The following PTPRE variants were observed in gnomAD, a reference collection of about 807,000 sequenced individuals.
PTPRE encodes receptor-type tyrosine-protein phosphatase epsilon.
A neutral mutation model predicts 102.0 loss-of-function variants in PTPRE; 51 were observed. The ratio of observed to expected loss-of-function variants is 0.50; its 90% CI spans 0.40 to 0.63. The LOEUF is 0.63. PTPRE is among the 30% of genes least tolerant of loss of function. The pLI, the probability that PTPRE is intolerant of heterozygous loss-of-function variation, is 0.00. For missense variants in PTPRE, 752 were observed against 915.1 expected, an observed-to-expected ratio of 0.82 and a Z score of 2.30; for synonymous variants, 345 against 348.2, an observed-to-expected ratio of 0.99 and a Z score of 0.10.
intron 1 of PTPRE, among the ~76,000 whole-genome samples, chr10:127,968,937 C>T (rs1026361729): frequency 2.6e-5 from 4 of 152,306 alleles, no homozygotes; most frequent in Admixed American, 2.6e-4. Context: ...TAGTCTGATT[C>T]AAAGAATGTC....
chr10:128,080,011 T>A (rs1851561758), intron 20 of PTPRE, among the ~76,000 whole-genome samples: 1 of 152,216 alleles, frequency 6.6e-6, no homozygotes, highest in South Asian at 2.1e-4. Context: ...GAGAGTCCTG[T>A]GTGCACTGAA....
chr10:127,956,922 A>G (rs1222914690), intron 1 of PTPRE, among the ~76,000 whole-genome samples: 1 of 150,906 alleles, frequency 6.6e-6, no homozygotes, highest in East Asian at 2.0e-4. Context: ...GGGATTGTTT[A>G]TTTTCTTATT....
intron 2 of PTPRE, among the ~76,000 whole-genome samples, chr10:127,993,663 T>C (rs922557351): frequency 6.6e-6 from 1 of 152,236 alleles, no homozygotes; most frequent in Admixed American, 6.5e-5. Context: ...GGGCAGCACT[T>C]AGCACAAACA....
intron 1 of PTPRE, among the ~76,000 whole-genome samples, chr10:127,968,430 C>T (rs528426310): frequency 3.3e-5 from 5 of 152,336 alleles, no homozygotes; most frequent in Non-Finnish European, 5.9e-5. Context: ...CCAGGGTCTA[C>T]GCAACAAAAA....
intron 8 of PTPRE, 140 bp downstream of exon 8, chr10:128,061,155 C>T (rs1039669049): frequency 5.6e-6 from 4 of 708,874 alleles, no homozygotes; most frequent in African/African-American, 3.6e-5. Context: ...ACGGAACTGC[C>T]CGTGCTTTAC....
At chr10:127,972,029 C>A (rs1326924930) in intron 1 of PTPRE, among the ~76,000 whole-genome samples, 1 of 152,176 alleles carries the variant, frequency 6.6e-6, no homozygotes. Flanking sequence ...GAGTTTGGAG[C>A]CGGGTGGGAA....
intron 1 of PTPRE, among the ~76,000 whole-genome samples, chr10:127,967,007 G>A (rs776092081): frequency 7.9e-5 from 12 of 152,142 alleles, no homozygotes; most frequent in South Asian, 4.1e-4. Flanking sequence ...GAGATAAAGC[G>A]TTTTGTGGCA....
At chr10:128,023,233 A>G (rs1846048137) in intron 2 of PTPRE, among the ~76,000 whole-genome samples, 1 of 152,138 alleles carries the variant, frequency 6.6e-6, no homozygotes, top group African/African-American at 2.4e-5. Context: ...ATGTAGGTAT[A>G]CATGTATAGG....
chr10:127,928,030 G>A (rs1847156215), intron 1 of PTPRE, among the ~76,000 whole-genome samples: 1 of 152,152 alleles, frequency 6.6e-6, no homozygotes, highest in Non-Finnish European at 1.5e-5. Context: ...AACTATTAGA[G>A]AGTATATTGA....
At chr10:128,069,586 CAAAA>C in intron 12 of PTPRE, 102 bp from the exon 13 acceptor site, 1 of 1,489,796 alleles carries the variant, frequency 6.7e-7, no homozygotes, top group African/African-American at 1.4e-5. Flanking sequence ...ACCAAAAAAA[CAAAA>C]AGTTGCATCC....
At chr10:127,939,362 G>A (rs578049221) in intron 1 of PTPRE, among the ~76,000 whole-genome samples, 8 of 152,310 alleles carry the variant, frequency 5.3e-5, no homozygotes, top group South Asian at 2.1e-4. Flanking sequence ...TGGCAAACAC[G>A]AGTGCATATT....
intron 2 of PTPRE, among the ~76,000 whole-genome samples, chr10:128,010,545 C>CCTTTTCTTTTATTTTCTTTTCTTTT (rs1554919715): frequency 8.6e-5 from 11 of 128,278 alleles, no homozygotes; most frequent in African/African-American, 3.3e-4. Context: ...AAACCCTGTT[C>CCTTTTCTTTTATTTTCTTTTCTTTT]CTTTTCTTTT....
chr10:128,032,660 T>C (rs1026899396), intron 2 of PTPRE, among the ~76,000 whole-genome samples: 10 of 152,204 alleles, frequency 6.6e-5, no homozygotes, highest in Non-Finnish European at 1.5e-4. Flanking sequence ...TTGGGACTCT[T>C]GCTGGCCACT....
chr10:128,077,859 G>T lies in PTPRE; in HGVS notation c.1892+76G>T, dbSNP rs896669123. ...CCCCCAGTACCCGCAGCTGTGGGCA[G>T]CAGAGCCTGGTCGCTGCCCCTGGCC... On this transcript the variant is annotated intron_variant, in intron 19 of 20. Transcript: ENST00000254667. 11 of 1,491,776 alleles carry T rather than the reference G, an allele frequency of 7.4e-6. No homozygotes were observed. In the Admixed American group the frequency reaches 8.5e-5, roughly 12 times the overall value. The allele number at this position is 1,491,776 out of a possible 1,614,324, so 92.4% of individuals were successfully genotyped here. A position where few individuals can be genotyped will look rare whatever the true frequency, so the allele number is the denominator to read the frequency against.
chr10:128,066,366 C>T (rs533399903), intron 11 of PTPRE, among the ~76,000 whole-genome samples, 172 bp downstream of exon 11: 2 of 152,350 alleles, frequency 1.3e-5, no homozygotes, highest in South Asian at 4.1e-4. Context: ...TGCAAGAGGG[C>T]CAAGACACCA....
At chr10:127,923,398 A>ATTTTTTTTTTTTTTTTTTTTTTTTTTTTT (rs35994733) in intron 1 of PTPRE, among the ~76,000 whole-genome samples, 1 of 106,926 alleles carries the variant, frequency 9.4e-6, no homozygotes, top group African/African-American at 3.9e-5. Context: ...ACCAGTTTGA[A>ATTTTTTTTTTTTTTTTTTTTTTTTTTTTT]TTTTTTTTTT....
In PTPRE at chr10:128,074,666, CAAAAAAA is replaced by C. The variant is rs34362431; in HGVS notation, c.1599+1204_1599+1210del. Among the ~76,000 whole-genome samples the C allele has an allele frequency of 5.3e-3, 703 of 133,420 alleles. 6 individuals carry two copies. The highest frequency in any genetic ancestry group is 0.035 in the Middle Eastern group (9 of 260). 87.5% of individuals were successfully genotyped at this position (133,420 alleles called of 152,430 possible). A position where few individuals can be genotyped will look rare whatever the true frequency, so the allele number is the denominator to read the frequency against. ...TGGGGGACAGAACAAGACTCTGTCT[CAAAAAAA>C]AAAAAAAAGTTTCTTGAACATTCAG... is the stretch of plus-strand genomic sequence containing the variant. On this transcript the variant is annotated intron_variant, in intron 17 of 20. Coordinates refer to ENST00000254667, the MANE Select transcript of PTPRE (RefSeq NM_006504.6).
chr10:127,952,940 C>A lies in PTPRE; in HGVS notation c.-30-29334C>A, dbSNP rs117948786. ...TAAATTGAGCAAAATTTAGGTGCCTCCTACCTCAGTGAAATTTCTAGGGGT... is the reference window on the plus strand; with the variant it reads ...TAAATTGAGCAAAATTTAGGTGCCTACTACCTCAGTGAAATTTCTAGGGGT... On this transcript the variant is annotated intron_variant, in intron 1 of 20. Coordinates refer to ENST00000254667, the MANE Select transcript of PTPRE (RefSeq NM_006504.6). 4.9e-3 allele frequency among the ~76,000 whole-genome samples: 753 copies of A among 152,274 alleles called. 6 individuals are homozygous for A. The highest frequency in any genetic ancestry group is 7.5e-3 in the Non-Finnish European group (510 of 68,026).
chr10:127,958,845 A>T (rs1382457904), intron 1 of PTPRE, among the ~76,000 whole-genome samples: 2 of 147,572 alleles, frequency 1.4e-5, no homozygotes, highest in African/African-American at 2.5e-5. Context: ...AAGATTATTA[A>T]TTATTTATTT....
Sources: gnomAD v4.1 joint callset for allele counts (sites outside exome capture counted in the v4.1 genomes callset) on GRCh38, gnomAD v4.1.1 for gene constraint, MANE v1.5 for transcripts, NCBI Gene and HGNC (gene_info 2026-07-23, HGNC 2026-07-21) for gene names.